Variants in DHX15 observed in about 807,000 individuals in gnomAD.
The protein encoded by DHX15 is ATP-dependent RNA helicase DHX15.
A neutral mutation model predicts 94.4 loss-of-function variants in DHX15; 11 were observed. That is an observed-to-expected ratio of 0.12 (90% CI 0.07 to 0.19). DHX15 has a LOEUF of 0.19. Among genes scored for constraint, DHX15 ranks in the 10% least tolerant of loss-of-function variants. The probability of loss-of-function intolerance (pLI) is 1.00; values close to 1 mark genes in which losing one functional copy is unlikely to be tolerated. For missense variants in DHX15, 304 were observed against 988.5 expected, an observed-to-expected ratio of 0.31 and a Z score of 9.29; for synonymous variants, 338 against 329.9, an observed-to-expected ratio of 1.02 and a Z score of -0.27.
chr4:24,546,643 G>A (rs563278639), intron 6 of DHX15, among the ~76,000 whole-genome samples: 4 of 152,118 alleles, frequency 2.6e-5, no homozygotes, highest in Admixed American at 2.0e-4. Context: ...ACTTGAAATC[G>A]TTCACCATTA....
chr4:24,558,828 C>T (rs1013521383), intron 3 of DHX15, among the ~76,000 whole-genome samples: 5 of 152,130 alleles, frequency 3.3e-5, no homozygotes, highest in Non-Finnish European at 5.9e-5. Flanking sequence ...CCGTAGTCAA[C>T]TTTTCCAGAC....
chr4:24,531,367 C>T (rs1456277822), intron 12 of DHX15, among the ~76,000 whole-genome samples: 2 of 152,148 alleles, frequency 1.3e-5, no homozygotes, highest in East Asian at 2.0e-4. Context: ...GGATTACAGG[C>T]GTGAGCCACA....
chr4:24,540,053 A>C, intron 10 of DHX15, 55 bp downstream of exon 10: 1 of 1,318,988 alleles, frequency 7.6e-7, no homozygotes, highest in Admixed American at 2.7e-5. Flanking sequence ...ACAAAAGTGA[A>C]GTCCACCCAA....
chr4:24,556,519 CT>C (rs1302914645), intron 3 of DHX15, 109 bp from the exon 4 acceptor site: 2 of 900,760 alleles, frequency 2.2e-6, no homozygotes, highest in Non-Finnish European at 3.3e-6. Flanking sequence ...AAATAAACTT[CT>C]GCCCCAAACA....
At chr4:24,551,322 G>C (rs1721599858) in intron 5 of DHX15, among the ~76,000 whole-genome samples, 1 of 151,934 alleles carries the variant, frequency 6.6e-6, no homozygotes, top group Admixed American at 6.6e-5. Context: ...TTTTTTCAAA[G>C]GACAATGATA....
intron 1 of DHX15, among the ~76,000 whole-genome samples, chr4:24,583,956 C>T (rs952902540): frequency 1.3e-5 from 2 of 152,230 alleles, no homozygotes; most frequent in Admixed American, 6.5e-5. Flanking sequence ...CCTCCCCCAC[C>T]CTCTCCTCCG....
At position 24,541,859 on chromosome 4, in the gene DHX15, A is replaced by G. The variant is rs1372721971; in HGVS notation, c.1485+14T>C. On this transcript the variant is annotated intron_variant, in intron 8 of 13. Coordinates refer to ENST00000336812, the MANE Select transcript of DHX15 (RefSeq NM_001358.3). ...ATTTTAAACATATCGGCAGGAAACG[A>G]CAATACCCCATACCTGCATTTCTGT... 6.4e-7 allele frequency: 1 copy of G among 1,553,116 alleles called. No individual in the cohort carries two copies. Among genetic ancestry groups the G allele is most frequent in the Non-Finnish European group, 8.8e-7 (1 of 1,142,104 alleles).
intron 1 of DHX15, among the ~76,000 whole-genome samples, chr4:24,582,051 A>T (rs958759408): frequency 2.1e-4 from 32 of 152,188 alleles, no homozygotes; most frequent in African/African-American, 7.7e-4. Flanking sequence ...GCTCTCCAAT[A>T]AAACCACTTG....
intron 2 of DHX15, among the ~76,000 whole-genome samples, chr4:24,575,375 A>G (rs905873974): frequency 8.5e-5 from 13 of 152,166 alleles, no homozygotes; most frequent in African/African-American, 3.1e-4. Context: ...TACAATGATC[A>G]GGGACTGCTA....
chr4:24,578,503 A>T (rs912672422), intron 1 of DHX15, among the ~76,000 whole-genome samples: 1 of 152,242 alleles, frequency 6.6e-6, no homozygotes, highest in Non-Finnish European at 1.5e-5. Context: ...AAAAGGATTC[A>T]TGTTTCTAGT....
Position 24,570,718 on chromosome 4 carries a change from A to G in DHX15, c.637T>C (p.Leu213=). ...ATGGAGTAACCAACTTCCTGGCCCAACATCACATCCATCTCATCAGCAACT... is the reference window on the plus strand; with the variant it reads ...ATGGAGTAACCAACTTCCTGGCCCAGCATCACATCCATCTCATCAGCAACT... ...QRVADEMDVM[L]GQEVGYSIRF... Residue 213 remains leucine (L), a synonymous_variant, in exon 3 of 14, where the codon TTG becomes CTG. Transcript: ENST00000336812. The G allele has an allele frequency of 6.2e-7, 1 of 1,614,176 alleles. No individual in the cohort carries two copies. Among genetic ancestry groups the G allele is most frequent in the Non-Finnish European group, 8.5e-7 (1 of 1,180,030 alleles).
intron 6 of DHX15, among the ~76,000 whole-genome samples, chr4:24,543,954 G>GA (rs1192571011): frequency 6.6e-6 from 1 of 152,168 alleles, no homozygotes; most frequent in East Asian, 1.9e-4. Context: ...GACATGGATA[G>GA]AAAGTGTGAG....
intron 12 of DHX15, chr4:24,530,941 T>C (rs970757574): frequency 2.0e-5 from 3 of 152,232 alleles, no homozygotes; most frequent in Non-Finnish European, 4.4e-5. Context: ...GGTTTTCCTA[T>C]GTTGCCTGGG....
At chr4:24,581,818 A>G (rs963520351) in intron 1 of DHX15, among the ~76,000 whole-genome samples, 2 of 152,182 alleles carry the variant, frequency 1.3e-5, no homozygotes, top group African/African-American at 4.8e-5. Flanking sequence ...TTGTATAGTG[A>G]AGATTCTGTG....
chr4:24,568,246 T>C (rs578170828), intron 3 of DHX15, among the ~76,000 whole-genome samples: 170 of 152,360 alleles, frequency 1.1e-3, no homozygotes, highest in Non-Finnish European at 2.0e-3. Context: ...TTTATATCTA[T>C]ATATGATAAG....
intron 4 of DHX15, among the ~76,000 whole-genome samples, chr4:24,555,630 T>C (rs1452131042): frequency 1.3e-5 from 2 of 152,124 alleles, no homozygotes. Context: ...ATAACACTTG[T>C]ATCAACAAGG....
At chr4:24,547,916 T>TAGATATATAG in intron 6 of DHX15, among the ~76,000 whole-genome samples, 1 of 50,534 alleles carries the variant, frequency 2.0e-5, no homozygotes, top group African/African-American at 8.8e-5. Flanking sequence ...TATATATATA[T>TAGATATATAG]ATATATATAT....
At chr4:24,553,602 C>A (rs1262157596) in intron 5 of DHX15, among the ~76,000 whole-genome samples, 2 of 151,096 alleles carry the variant, frequency 1.3e-5, no homozygotes, top group African/African-American at 4.9e-5. Context: ...AGTGAAACCC[C>A]GTCTCTACTA....
intron 3 of DHX15, among the ~76,000 whole-genome samples, chr4:24,569,824 T>C (rs1307484205): frequency 1.3e-5 from 2 of 152,168 alleles, no homozygotes; most frequent in Admixed American, 1.3e-4. Flanking sequence ...GCAGTAGCTA[T>C]CACAGGCATG....
Sources: gnomAD v4.1 joint callset for allele counts (sites outside exome capture counted in the v4.1 genomes callset) on GRCh38, gnomAD v4.1.1 for gene constraint, MANE v1.5 for transcripts, NCBI Gene and HGNC (gene_info 2026-07-23, HGNC 2026-07-21) for gene names.